Variants in AACS observed in about 807,000 individuals in gnomAD.
The protein encoded by AACS is acetoacetyl-CoA synthetase.
AACS carries 69 observed loss-of-function variants against 83.1 expected under a neutral mutation model. That is an observed-to-expected ratio of 0.83 (90% confidence interval 0.68 to 1.01). The LOEUF is 1.01. Among genes scored for constraint, AACS ranks in the 50% least tolerant of loss-of-function variants. The pLI is 0.00. For missense variants in AACS, 866 were observed against 882.2 expected, an observed-to-expected ratio of 0.98 and a Z score of 0.23; for synonymous variants, 333 against 343.4, an observed-to-expected ratio of 0.97 and a Z score of 0.33.
chr12:125,082,705 C>T (rs1956223433), intron 3 of AACS, among the ~76,000 whole-genome samples: 1 of 152,022 alleles, frequency 6.6e-6, no homozygotes, highest in African/African-American at 2.4e-5. Flanking sequence ...CCTGTAGTAC[C>T]AGCTACTCGG....
intron 5 of AACS, among the ~76,000 whole-genome samples, chr12:125,098,268 A>G (rs1956654469): frequency 6.6e-6 from 1 of 151,980 alleles, no homozygotes; most frequent in African/African-American, 2.4e-5. Flanking sequence ...CATCTCTACA[A>G]AAAAGAAATA....
chr12:125,136,925 A>T, intron 17 of AACS, 61 bp downstream of exon 17: 3 of 1,551,286 alleles, frequency 1.9e-6, no homozygotes, highest in Non-Finnish European at 2.6e-6. Context: ...CCACACATTG[A>T]GGGGCGCTTA....
intron 17 of AACS, chr12:125,139,662 A>T (rs1957452069): frequency 6.6e-6 from 1 of 152,306 alleles, no homozygotes; most frequent in African/African-American, 2.4e-5. Context: ...CTCTCTGTGC[A>T]AAAGTCAGAG....
At chr12:125,080,856 TA>T (rs1478557966) in intron 3 of AACS, among the ~76,000 whole-genome samples, 1 of 151,374 alleles carries the variant, frequency 6.6e-6, no homozygotes, top group Non-Finnish European at 1.5e-5. Context: ...CACGCCTGGC[TA>T]ATTTTTTGTA....
chr12:125,132,932 G>A (rs1957347431), intron 14 of AACS, among the ~76,000 whole-genome samples: 1 of 152,244 alleles, frequency 6.6e-6, no homozygotes, highest in South Asian at 2.1e-4. Context: ...TGCTGGAGAA[G>A]TGTCTCGAGA....
chr12:125,124,859 G>T, intron 11 of AACS, 43 bp from the exon 12 acceptor site: 1 of 1,614,030 alleles, frequency 6.2e-7, no homozygotes, highest in Non-Finnish European at 8.5e-7. Context: ...GAGGCTTCAG[G>T]CACTGGGTTT....
Position 125,086,360 on chromosome 12 carries a change from CTT to C in AACS, c.392_393del (p.Phe131Ter), listed in dbSNP as rs1565929907. ...GGCAAAGAGGAAATTGTGAAGGTGACTTTTGAAGAGCTGAGGCAAGAAGTGGC... is the reference window on the plus strand; with the variant it reads ...GGCAAAGAGGAAATTGTGAAGGTGACTTGAAGAGCTGAGGCAAGAAGTGGC... On this transcript the variant is annotated frameshift_variant, in exon 4 of 18. Coordinates refer to ENST00000316519, the MANE Select transcript of AACS (RefSeq NM_023928.5). LOFTEE classifies it high-confidence loss of function. 6.2e-7 allele frequency: 1 copy of C among 1,614,106 alleles called. No individual in the cohort carries two copies.
chr12:125,124,726 G>A lies in AACS; in HGVS notation c.1143G>A (p.Gly381=). The change falls in exon 11 of 18, where the codon GGG becomes GGA. Residue 381 remains glycine (G), a synonymous_variant. Transcript: ENST00000316519. ...DRIGITVLVT[G]AKWLSVLEEK... Reference sequence around the variant, plus strand: ...CTAGCATCACTGTCCTGGTAACTGGGGCCAAGTGGCTGTCAGTGCTGGAAG... The same window carrying A: ...CTAGCATCACTGTCCTGGTAACTGGAGCCAAGTGGCTGTCAGTGCTGGAAG... 6 of 1,614,094 alleles carry A rather than the reference G, an allele frequency of 3.7e-6. No homozygotes were observed. Among genetic ancestry groups the A allele is most frequent in the Non-Finnish European group, 5.1e-6 (6 of 1,180,028 alleles).
rs1009972110 is a variant in AACS at position 125,103,066 on chromosome 12, C to G, written c.752C>G (p.Ser251Ter). The change falls in exon 7 of 18, where the codon TCA becomes TGA. Residue 251 changes from serine (S) to a stop codon, truncating the protein, a stop_gained. Transcript: ENST00000316519. LOFTEE classifies it high-confidence loss of function. ...TCCTCCAGAGAGAACATAGACCTTT[C>G]AAAGATTCCAAACAGGTAATGTACC... ...YVSSRENIDL[S>*]KIPNSVFLDD... 3 of 1,613,790 alleles carry G rather than the reference C, an allele frequency of 1.9e-6. No homozygotes were observed. Among genetic ancestry groups the G allele is most frequent in the African/African-American group, 1.3e-5 (1 of 74,890 alleles).
Position 125,097,987 on chromosome 12 carries a change from G to T in AACS, c.571-4692G>T, listed in dbSNP as rs1400531426. On this transcript the variant is annotated intron_variant, in intron 5 of 17. Transcript: ENST00000316519. This position sits in a 1 kb window ranked among gnomAD's most constrained non-coding sequence, Gnocchi z 4.3. Reference sequence around the variant, plus strand: ...GTGCCGTCGTAGTAGCTTCCGACCAGTCTCATTTCTGCTTCTCTCTACTGT... The same window carrying T: ...GTGCCGTCGTAGTAGCTTCCGACCATTCTCATTTCTGCTTCTCTCTACTGT... Among the ~76,000 whole-genome samples, 2 of 152,278 alleles carry T rather than the reference G, an allele frequency of 1.3e-5. No homozygotes were observed. The highest frequency in any genetic ancestry group is 2.1e-4 in the South Asian group (1 of 4,824).
chr12:125,087,859 A>G (rs1956374216), intron 4 of AACS, among the ~76,000 whole-genome samples: 1 of 152,224 alleles, frequency 6.6e-6, no homozygotes, highest in African/African-American at 2.4e-5. Context: ...CTGACTAGGA[A>G]GGAATCTAGC....
In AACS at chr12:125,097,937, G is replaced by A. The variant is rs11058036; in HGVS notation, c.571-4742G>A. Among the ~76,000 whole-genome samples, 1,822 of 152,324 alleles carry A rather than the reference G, an allele frequency of 0.012. 14 individuals are homozygous for A. Among genetic ancestry groups the A allele is most frequent in the Non-Finnish European group, 0.019 (1,320 of 68,032 alleles). On this transcript the variant is annotated intron_variant, in intron 5 of 17. Transcript: ENST00000316519. The surrounding 1 kb of genome is among the most constrained non-coding windows in gnomAD (Gnocchi z 4.3). ...GGTTCCTCGGTTCCTCTGTGACCCC[G>A]GCTAGGCACTGCCATCTCTCACGCG...
At chr12:125,080,761 G>C (rs1245916896) in intron 3 of AACS, among the ~76,000 whole-genome samples, 2 of 145,384 alleles carry the variant, frequency 1.4e-5, no homozygotes, top group Non-Finnish European at 3.0e-5. Context: ...GCTTGATCTC[G>C]GCTCACTGCA....
At chr12:125,134,721 C>T in intron 15 of AACS, 73 bp from the exon 16 acceptor site, 1 of 1,542,662 alleles carries the variant, frequency 6.5e-7, no homozygotes, top group Non-Finnish European at 9.0e-7. Flanking sequence ...GGGTGACTGC[C>T]CTCCCGTGGG....
chr12:125,142,113 G>A lies in AACS; in HGVS notation c.1903G>A (p.Val635Met), dbSNP rs1957507190. ...GIPYTLNGKK[V>M]EVAVKQIIAG... Reference sequence around the variant, plus strand: ...GCAGTATACGCTCAACGGCAAGAAAGTGGAAGTTGCCGTCAAACAGATCAT... The same window carrying A: ...GCAGTATACGCTCAACGGCAAGAAAATGGAAGTTGCCGTCAAACAGATCAT... Residue 635 changes from valine to methionine, a missense_variant, in exon 18 of 18, where the codon GTG becomes ATG. Transcript: ENST00000316519. 3 of 1,614,132 alleles carry A rather than the reference G, an allele frequency of 1.9e-6. No individual in the cohort carries two copies. The highest frequency in any genetic ancestry group is 2.5e-6 in the Non-Finnish European group (3 of 1,180,042).
chr12:125,134,124 C>T (rs1565955610), intron 15 of AACS, 52 bp downstream of exon 15: 1 of 1,587,466 alleles, frequency 6.3e-7, no homozygotes, highest in Non-Finnish European at 8.6e-7. Context: ...CTTCCAGAGG[C>T]ATGGGGGTGG....
intron 4 of AACS, among the ~76,000 whole-genome samples, chr12:125,090,587 C>T (rs1311784967): frequency 1.3e-5 from 2 of 152,156 alleles, no homozygotes; most frequent in Non-Finnish European, 2.9e-5. Context: ...CCTCATACAT[C>T]ATCCATCCGT....
Position 125,142,164 on chromosome 12 carries a change from G to T in AACS, c.1954G>T (p.Gly652Cys). The T allele has an allele frequency of 6.2e-7, 1 of 1,614,220 alleles. No individual in the cohort carries two copies. Among genetic ancestry groups the T allele is most frequent in the Non-Finnish European group, 8.5e-7 (1 of 1,180,044 alleles). The change falls in exon 18 of 18, where the codon GGT becomes TGT. Residue 652 changes from glycine to cysteine, a missense_variant. Coordinates refer to ENST00000316519, the MANE Select transcript of AACS (RefSeq NM_023928.5). ...IIAGKAVEQG[G>C]AFSNPETLDL... ...CGCTGGAAAAGCCGTGGAGCAAGGA[G>T]GTGCTTTCTCGAACCCCGAGACCCT...
At chr12:125,096,911 G>A (rs1019776943) in intron 5 of AACS, among the ~76,000 whole-genome samples, 3 of 152,064 alleles carry the variant, frequency 2.0e-5, no homozygotes, top group Admixed American at 6.5e-5. Flanking sequence ...TCTAGGGGGT[G>A]AAGACTTCTC....
Sources: gnomAD v4.1 joint callset for allele counts (sites outside exome capture counted in the v4.1 genomes callset) on GRCh38, gnomAD v4.1.1 for gene constraint, Gnocchi (gnomAD v3.1) non-coding constraint, MANE v1.5 for transcripts, NCBI Gene and HGNC (gene_info 2026-07-23, HGNC 2026-07-21) for gene names.